Variants in PARD3 observed in about 807,000 individuals in gnomAD.
PARD3 encodes partitioning defective 3 homolog.
A neutral mutation model predicts 155.4 loss-of-function variants in PARD3; 75 were observed. The observed-to-expected ratio is 0.48, with a 90% CI of 0.40 to 0.58. The LOEUF is 0.58. Ranked by LOEUF, PARD3 falls within the 20% of genes least tolerant of loss-of-function variation. PARD3 has a pLI of 0.00. For missense variants in PARD3, 1,642 were observed against 1,721.7 expected, an observed-to-expected ratio of 0.95 and a Z score of 0.82; for synonymous variants, 576 against 610.5, an observed-to-expected ratio of 0.94 and a Z score of 0.83.
intron 2 of PARD3, among the ~76,000 whole-genome samples, chr10:34,574,489 A>T (rs1012302876): frequency 6.6e-6 from 1 of 152,164 alleles, no homozygotes; most frequent in Non-Finnish European, 1.5e-5. Context: ...CTCCACATTC[A>T]CCAGGAATCA....
chr10:34,198,453 G>GGTGTGTGTGTGT (rs59976562), intron 22 of PARD3, among the ~76,000 whole-genome samples: 11 of 146,926 alleles, frequency 7.5e-5, no homozygotes, highest in Admixed American at 2.1e-4. Context: ...ATCACTAATT[G>GGTGTGTGTGTGT]GTGTGTGTGT....
In PARD3 at chr10:34,317,318, T is replaced by A. The variant is rs767117864; in HGVS notation, c.2854A>T (p.Ser952Cys). 10 of 1,606,628 alleles carry A rather than the reference T, an allele frequency of 6.2e-6. No individual in the cohort carries two copies. Among genetic ancestry groups the A allele is most frequent in the Non-Finnish European group, 8.5e-6 (10 of 1,177,800 alleles). ...ACAGACTCTCTCCCTGATCTTGAAC[T>A]TTCTTCTGTGTCTTCTTCCACTTGG... The part of the protein sequence containing the change: ...METLEEDTEE[S>C]SRSGRESVST... Residue 952 changes from serine to cysteine, a missense_variant, in exon 20 of 25, where the codon AGT (serine) becomes TGT (cysteine). By Grantham distance (112) the Ser-to-Cys change is moderately radical. Around this residue, in one of 3 missense-constraint regions of PARD3, gnomAD observed 1,529 missense variants for 1,587.3 expected, o/e 0.96. Transcript: ENST00000374788.
At chr10:34,443,040 G>A (rs1450807678) in intron 5 of PARD3, among the ~76,000 whole-genome samples, 1 of 151,328 alleles carries the variant, frequency 6.6e-6, no homozygotes, top group East Asian at 2.0e-4. Context: ...TTTCTTCTAT[G>A]TAGGCAGATC....
chr10:34,703,250 G>A (rs2094311248), intron 1 of PARD3, among the ~76,000 whole-genome samples: 1 of 151,560 alleles, frequency 6.6e-6, no homozygotes, highest in Non-Finnish European at 1.5e-5. Flanking sequence ...TAAGTCAGGT[G>A]TGGTGGCATG....
At chr10:34,276,028 T>C (rs1003972776) in intron 21 of PARD3, among the ~76,000 whole-genome samples, 3 of 152,138 alleles carry the variant, frequency 2.0e-5, no homozygotes, top group African/African-American at 7.2e-5. Context: ...TTTCAGTAAG[T>C]CCTTCCTGGT....
rs575262499 is a variant in PARD3, at chr10:34,242,100, A to G, written c.3419+27557T>C. On this transcript the variant is annotated intron_variant, in intron 22 of 24. Transcript: ENST00000374788. Reference sequence around the variant, plus strand: ...CTACTTTCCAAAGTTGCTATCATATACATCTTCGCATTTGAATTCACTCCT... The same window carrying G: ...CTACTTTCCAAAGTTGCTATCATATGCATCTTCGCATTTGAATTCACTCCT... Among the ~76,000 whole-genome samples the G allele has an allele frequency of 2.6e-5, 4 of 152,310 alleles. No individual in the cohort carries two copies. The South Asian group carries it at 8.3e-4, about 32-fold the overall frequency.
intron 22 of PARD3, among the ~76,000 whole-genome samples, chr10:34,140,959 T>C (rs185792755): frequency 1.1e-3 from 166 of 152,346 alleles, no homozygotes; most frequent in African/African-American, 3.7e-3. Flanking sequence ...TGTATACTGG[T>C]ATGTAAGTCT....
At position 34,331,292 on chromosome 10, in the gene PARD3, C is replaced by T. The variant is rs3781128; in HGVS notation, c.2658G>A (p.Ser886=). The T allele has an allele frequency of 0.48, 779,576 of 1,612,910 alleles. 191,218 individuals carry two copies. Among genetic ancestry groups the T allele is most frequent in the African/African-American group, 0.71 (52,805 of 74,882 alleles). Residue 886 remains serine, a synonymous_variant, in exon 19 of 25, where the codon TCG becomes TCA. Transcript: ENST00000374788. The part of the protein sequence containing the change: ...GPSLGLKKSS[S]LESLQTAVAE... Reference sequence around the variant, plus strand: ...CAACTGCGGTCTGCAGACTCTCCAACGAGCTTGACTTCTTCAGACCCAGGG... The same window carrying T: ...CAACTGCGGTCTGCAGACTCTCCAATGAGCTTGACTTCTTCAGACCCAGGG...
intron 1 of PARD3, among the ~76,000 whole-genome samples, chr10:34,750,837 C>G (rs1835939718): frequency 6.6e-6 from 1 of 151,922 alleles, no homozygotes; most frequent in African/African-American, 2.4e-5. Context: ...TACAGGCACA[C>G]ACCACCACAC....
intron 3 of PARD3, among the ~76,000 whole-genome samples, chr10:34,511,024 G>C (rs2081367707): frequency 6.6e-6 from 1 of 152,102 alleles, no homozygotes; most frequent in Non-Finnish European, 1.5e-5. Flanking sequence ...ATTATGATTG[G>C]ATGTTACATC....
intron 4 of PARD3, among the ~76,000 whole-genome samples, chr10:34,467,382 GT>G (rs1025404728): frequency 6.6e-6 from 1 of 150,844 alleles, no homozygotes; most frequent in Non-Finnish European, 1.5e-5. Flanking sequence ...TTGTTGCTGG[GT>G]TCTGGAGTTA....
chr10:34,382,419 T>G (rs1034578114), intron 9 of PARD3, 121 bp downstream of exon 9: 9 of 899,224 alleles, frequency 1.0e-5, no homozygotes, highest in Admixed American at 2.4e-5. Flanking sequence ...ACAAAATAAT[T>G]AGATAAGACT....
intron 22 of PARD3, among the ~76,000 whole-genome samples, chr10:34,195,997 G>T (rs1043329280): frequency 1.3e-5 from 2 of 152,244 alleles, no homozygotes; most frequent in Admixed American, 6.5e-5. Flanking sequence ...CTGGGGCACA[G>T]AATATGCATT....
chr10:34,180,672 A>T (rs1295771), intron 22 of PARD3, among the ~76,000 whole-genome samples: 3 of 152,048 alleles, frequency 2.0e-5, no homozygotes, highest in Admixed American at 1.3e-4. Context: ...AACTTGGAAA[A>T]AGCTAGACTA....
intron 1 of PARD3, among the ~76,000 whole-genome samples, chr10:34,737,227 T>C (rs949390545): frequency 2.0e-5 from 3 of 152,146 alleles, no homozygotes; most frequent in Non-Finnish European, 4.4e-5. Flanking sequence ...AGGTCAAAGG[T>C]ATCTCATGCA....
intron 5 of PARD3, among the ~76,000 whole-genome samples, chr10:34,415,306 C>T (rs74134131): frequency 7.2e-5 from 11 of 152,114 alleles, no homozygotes; most frequent in East Asian, 1.9e-4. Flanking sequence ...CATGCACAGT[C>T]GGCTCAGGGG....
At chr10:34,698,512 C>T (rs1037231207) in intron 1 of PARD3, among the ~76,000 whole-genome samples, 2 of 152,170 alleles carry the variant, frequency 1.3e-5, no homozygotes. Context: ...CCATCACACC[C>T]CCAAAGCAGA....
At chr10:34,537,633 A>C (rs1464940772) in intron 2 of PARD3, among the ~76,000 whole-genome samples, 1 of 152,224 alleles carries the variant, frequency 6.6e-6, no homozygotes, top group Non-Finnish European at 1.5e-5. Flanking sequence ...AGCCACTCTG[A>C]CAATAAAATC....
At chr10:34,482,773 T>C (rs2079167413) in intron 3 of PARD3, among the ~76,000 whole-genome samples, 2 of 151,394 alleles carry the variant, frequency 1.3e-5, no homozygotes, top group African/African-American at 2.4e-5. Flanking sequence ...GGAAAGAAAC[T>C]GAGAGAAGAA....
Sources: allele counts gnomAD v4.1 joint callset (sites outside exome capture counted in the v4.1 genomes callset), GRCh38; gene constraint gnomAD v4.1.1; regional missense constraint gnomAD v4.1.1; transcripts MANE v1.5; gene names NCBI Gene and HGNC (gene_info 2026-07-23, HGNC 2026-07-21).